NRXN3: variants seen among roughly 807,000 people sequenced by gnomAD.
The protein encoded by NRXN3 is neurexin III.
NRXN3 carries 32 observed loss-of-function variants against 137.6 expected under a neutral mutation model. The ratio of observed to expected loss-of-function variants is 0.23; its 90% CI spans 0.18 to 0.31. The LOEUF (loss-of-function observed/expected upper bound fraction) is 0.31, where lower values mean the gene tolerates loss of function less well. Among genes scored for constraint, NRXN3 ranks in the 10% least tolerant of loss-of-function variants. NRXN3 has a pLI of 1.00. For missense variants in NRXN3, 1,574 were observed against 2,062.5 expected (o/e 0.76, Z 4.59); for synonymous variants, 798 against 784.5 (o/e 1.02, Z -0.29).
chr14:78,294,834 A>G (rs1242779114), intron 3 of NRXN3, among the ~76,000 whole-genome samples: 2 of 152,266 alleles, frequency 1.3e-5, no homozygotes, highest in South Asian at 2.1e-4. Flanking sequence ...GTGTAAATAT[A>G]AGCACATGCA....
intron 4 of NRXN3, among the ~76,000 whole-genome samples, chr14:78,401,127 C>A (rs1325200444): frequency 6.6e-6 from 1 of 152,132 alleles, no homozygotes; most frequent in Non-Finnish European, 1.5e-5. Flanking sequence ...TTAGTTCCCT[C>A]CAGTCATTTT....
At chr14:78,480,337 A>G (rs1990530) in intron 4 of NRXN3, among the ~76,000 whole-genome samples, 151,802 of 152,324 alleles carry the variant, frequency 1, 75,644 homozygotes, top group Middle Eastern at 1. Flanking sequence ...CACAGGTTGT[A>G]TAAAGGTTAG....
chr14:79,087,144 A>G (rs6574490), intron 15 of NRXN3, among the ~76,000 whole-genome samples: 150,914 of 152,278 alleles, frequency 0.99, 74,804 homozygotes, highest in Middle Eastern at 1. Context: ...CCATACAAGG[A>G]GTTGAGGCCC....
intron 2 of NRXN3, among the ~76,000 whole-genome samples, chr14:78,267,421 G>C (rs2071946752): frequency 1.3e-5 from 2 of 152,294 alleles, no homozygotes; most frequent in South Asian, 2.1e-4. Flanking sequence ...GCTAGGTACA[G>C]TGTCTCACAT....
chr14:79,120,156 G>C (rs889822339), intron 15 of NRXN3, among the ~76,000 whole-genome samples: 2 of 151,866 alleles, frequency 1.3e-5, no homozygotes, highest in Non-Finnish European at 2.9e-5. Context: ...TTTTAAATGG[G>C]CTCCTTATTC....
chr14:78,832,392 T>A (rs1330277236), intron 10 of NRXN3, among the ~76,000 whole-genome samples: 1 of 152,176 alleles, frequency 6.6e-6, no homozygotes, highest in Non-Finnish European at 1.5e-5. Flanking sequence ...GAGAAACAGC[T>A]GTAATTACAC....
At chr14:78,303,531 C>G (rs1440310278) in intron 4 of NRXN3, among the ~76,000 whole-genome samples, 3 of 152,142 alleles carry the variant, frequency 2.0e-5, no homozygotes, top group African/African-American at 4.8e-5. Flanking sequence ...TGTAGCTCAT[C>G]TGTTCCAAAG....
chr14:78,941,539 T>C (rs1406562052), intron 10 of NRXN3, among the ~76,000 whole-genome samples: 1 of 152,168 alleles, frequency 6.6e-6, no homozygotes, highest in Non-Finnish European at 1.5e-5. Context: ...AGAAGCACCA[T>C]TGGTTATGGA....
intron 15 of NRXN3, among the ~76,000 whole-genome samples, chr14:79,273,542 G>A (rs2079751067): frequency 6.6e-6 from 1 of 152,096 alleles, no homozygotes; most frequent in South Asian, 2.1e-4. Context: ...GCTGAGGCAG[G>A]AGAATGGCAT....
chr14:79,205,166 C>T (rs898748381), intron 15 of NRXN3, among the ~76,000 whole-genome samples: 9 of 152,228 alleles, frequency 5.9e-5, no homozygotes, highest in South Asian at 2.1e-4. Flanking sequence ...ATAATTGCCG[C>T]GAATAGTAAC....
At chr14:79,595,270 C>G (rs989040006) in intron 16 of NRXN3, among the ~76,000 whole-genome samples, 9 of 152,128 alleles carry the variant, frequency 5.9e-5, no homozygotes, top group African/African-American at 1.7e-4. Context: ...GGACAATCAT[C>G]AAAAGATAAA....
chr14:79,671,013 G>A (rs2098604629), intron 17 of NRXN3, among the ~76,000 whole-genome samples: 1 of 152,122 alleles, frequency 6.6e-6, no homozygotes. Context: ...GGTGTAGGAA[G>A]TGGCAGATGG....
intron 20 of NRXN3, among the ~76,000 whole-genome samples, chr14:79,845,605 AGAGAGAGAGACGGAGACG>A (rs2099365814): frequency 2.9e-5 from 4 of 138,438 alleles, no homozygotes; most frequent in Admixed American, 7.2e-5. Context: ...AGAGAGAGAC[AGAGAGAGAGACGGAGACG>A]GGGAGAGAGA....
chr14:79,157,633 A>C (rs2060372363), intron 15 of NRXN3, among the ~76,000 whole-genome samples: 2 of 151,832 alleles, frequency 1.3e-5, no homozygotes, highest in Non-Finnish European at 2.9e-5. Flanking sequence ...CATTTGAAAG[A>C]AACACTCCTG....
At chr14:78,930,705 T>C (rs1381943376) in intron 10 of NRXN3, among the ~76,000 whole-genome samples, 1 of 152,216 alleles carries the variant, frequency 6.6e-6, no homozygotes, top group African/African-American at 2.4e-5. Flanking sequence ...CATTAAGGCA[T>C]GCAGCTGCTA....
chr14:78,742,768 T>C (rs12879047), intron 8 of NRXN3, among the ~76,000 whole-genome samples: 37,867 of 152,154 alleles, frequency 0.25, 4,980 homozygotes, highest in Middle Eastern at 0.31. Context: ...AGTTTGTATG[T>C]AAATAAAAGT....
chr14:78,732,821 T>C (rs538640088), intron 8 of NRXN3, among the ~76,000 whole-genome samples: 39 of 152,238 alleles, frequency 2.6e-4, no homozygotes, highest in African/African-American at 9.4e-4. Flanking sequence ...TTCTACAAAA[T>C]ATAATGGAGG....
chr14:79,825,892 CAT>C (rs1239316218), intron 20 of NRXN3, among the ~76,000 whole-genome samples: 2 of 152,162 alleles, frequency 1.3e-5, no homozygotes, highest in Non-Finnish European at 2.9e-5. Context: ...TCCTCCAGCA[CAT>C]GTCACACTGA....
intron 4 of NRXN3, among the ~76,000 whole-genome samples, chr14:78,550,612 T>C (rs890191394): frequency 6.6e-6 from 1 of 152,084 alleles, no homozygotes; most frequent in Non-Finnish European, 1.5e-5. Flanking sequence ...AGCAGGGTGT[T>C]ATCAGTAAGG....
Sources: allele counts gnomAD v4.1 joint callset (sites outside exome capture counted in the v4.1 genomes callset), GRCh38; gene constraint gnomAD v4.1.1; transcripts MANE v1.5; gene names NCBI Gene and HGNC (gene_info 2026-07-23, HGNC 2026-07-21).